The following DNAH7 variants were observed in gnomAD, a reference collection of about 807,000 sequenced individuals.
DNAH7 encodes the protein dynein axonemal heavy chain 7.
Under a neutral mutation model 444.6 loss-of-function variants are expected in DNAH7, and 397 were observed. The observed-to-expected ratio is 0.89, with a 90% CI of 0.82 to 0.97. The LOEUF (loss-of-function observed/expected upper bound fraction) is 0.97, where lower values mean the gene tolerates loss of function less well. Among genes scored for constraint, DNAH7 ranks in the 50% least tolerant of loss-of-function variants. DNAH7 has a pLI of 0.00. For missense variants in DNAH7, 4,902 were observed against 4,800.8 expected (o/e 1.02, Z -0.62); for synonymous variants, 1,636 against 1,624.4 (o/e 1.01, Z -0.17).
chr2:195,915,538 G>A (rs970781901), intron 24 of DNAH7, among the ~76,000 whole-genome samples: 6 of 152,186 alleles, frequency 3.9e-5, no homozygotes, highest in Admixed American at 1.3e-4. Flanking sequence ...GAGCCAATGA[G>A]AAGAAAAGAG....
intron 10 of DNAH7, among the ~76,000 whole-genome samples, chr2:196,006,300 T>C (rs1694370856): frequency 6.6e-6 from 1 of 152,072 alleles, no homozygotes; most frequent in Non-Finnish European, 1.5e-5. Flanking sequence ...AGCAAGGCCC[T>C]GTCTCCAAAA....
At chr2:195,745,230 C>T (rs576493880) in intron 63 of DNAH7, among the ~76,000 whole-genome samples, 1 of 151,868 alleles carries the variant, frequency 6.6e-6, no homozygotes, top group Non-Finnish European at 1.5e-5. Flanking sequence ...GGAGCCGATG[C>T]GATCAACTGG....
At chr2:196,005,721 A>G (rs1247185578) in intron 10 of DNAH7, among the ~76,000 whole-genome samples, 1 of 152,186 alleles carries the variant, frequency 6.6e-6, no homozygotes, top group Non-Finnish European at 1.5e-5. Context: ...TAATATTAAT[A>G]ATTTACAAAC....
chr2:195,857,909 T>C (rs183470142), intron 43 of DNAH7, among the ~76,000 whole-genome samples, 186 bp from the exon 44 acceptor site: 1 of 152,310 alleles, frequency 6.6e-6, no homozygotes, highest in East Asian at 1.9e-4. Context: ...CAAAATTCTC[T>C]GCACTATTTA....
chr2:195,755,072 A>G (rs1694006052), intron 62 of DNAH7, among the ~76,000 whole-genome samples: 1 of 152,232 alleles, frequency 6.6e-6, no homozygotes, highest in Non-Finnish European at 1.5e-5. Context: ...CGCTCCCTAC[A>G]ATAGTGAATA....
chr2:195,839,910 T>G (rs768144627), intron 47 of DNAH7, among the ~76,000 whole-genome samples: 5 of 151,792 alleles, frequency 3.3e-5, no homozygotes, highest in Non-Finnish European at 7.4e-5. Context: ...GCACAGATAA[T>G]TTCTTTGGTC....
chr2:195,888,982 C>T lies in DNAH7; in HGVS notation c.5047-1G>A. The T allele has an allele frequency of 6.2e-7, 1 of 1,612,054 alleles. No homozygotes were observed. The highest frequency in any genetic ancestry group is 8.5e-7 in the Non-Finnish European group (1 of 1,179,392). ...AAATTAACCATTTCCTATCTGGAGT[C>T]TGTTTCATGCATATGTGAACAGAGG... On this transcript the variant is annotated splice_acceptor_variant, in intron 31 of 64. Transcript: ENST00000312428. LOFTEE classifies it high-confidence loss of function.
At chr2:195,776,501 C>T (rs1695069684) in intron 59 of DNAH7, among the ~76,000 whole-genome samples, 1 of 151,698 alleles carries the variant, frequency 6.6e-6, no homozygotes, top group Non-Finnish European at 1.5e-5. Context: ...AGAAAATGTA[C>T]CTTTCAATTG....
At chr2:196,006,070 T>C (rs534853964) in intron 10 of DNAH7, among the ~76,000 whole-genome samples, 2 of 152,092 alleles carry the variant, frequency 1.3e-5, no homozygotes, top group Non-Finnish European at 1.5e-5. Context: ...TCCCAACACT[T>C]TGGGAGGCTG....
chr2:195,982,678 A>G (rs1332664908), intron 15 of DNAH7, among the ~76,000 whole-genome samples: 2 of 152,248 alleles, frequency 1.3e-5, no homozygotes, highest in Non-Finnish European at 2.9e-5. Flanking sequence ...TAGCAATAAC[A>G]TGGATGGAAC....
intron 44 of DNAH7, 109 bp downstream of exon 44, chr2:195,857,268 G>T: frequency 1.0e-6 from 1 of 962,942 alleles, no homozygotes; most frequent in Non-Finnish European, 1.5e-6. Context: ...ATTCAGACAG[G>T]ATTTTCCAAG....
At chr2:195,976,464 C>T (rs1223345327) in intron 15 of DNAH7, among the ~76,000 whole-genome samples, 1 of 152,046 alleles carries the variant, frequency 6.6e-6, no homozygotes, top group Non-Finnish European at 1.5e-5. Flanking sequence ...GGCTCCCAGG[C>T]AGCATCTCAG....
intron 20 of DNAH7, among the ~76,000 whole-genome samples, chr2:195,936,076 ATAAGT>A (rs1388275749): frequency 6.6e-6 from 1 of 152,142 alleles, no homozygotes; most frequent in Non-Finnish European, 1.5e-5. Flanking sequence ...GTAAGATGTG[ATAAGT>A]TAAGAAATCT....
intron 10 of DNAH7, among the ~76,000 whole-genome samples, chr2:196,012,340 C>T (rs1003827532): frequency 6.6e-6 from 1 of 152,138 alleles, no homozygotes; most frequent in African/African-American, 2.4e-5. Context: ...GGTCTGCCTT[C>T]TAGTGAGATT....
At chr2:195,933,015 T>C (rs1021909356) in intron 21 of DNAH7, among the ~76,000 whole-genome samples, 6 of 152,320 alleles carry the variant, frequency 3.9e-5, no homozygotes, top group African/African-American at 1.4e-4. Context: ...TCCTTGTACC[T>C]CTGGTAGAAT....
At chr2:195,803,219 C>T (rs1425041492) in intron 54 of DNAH7, among the ~76,000 whole-genome samples, 1 of 152,126 alleles carries the variant, frequency 6.6e-6, no homozygotes, top group Non-Finnish European at 1.5e-5. Context: ...GTTTTGCAAA[C>T]AAAATGAAAA....
intron 58 of DNAH7, among the ~76,000 whole-genome samples, chr2:195,785,321 CTCAG>C (rs755294644): frequency 8.5e-5 from 13 of 152,136 alleles, no homozygotes; most frequent in Non-Finnish European, 1.3e-4. Flanking sequence ...AACATTTTCT[CTCAG>C]TCTGTCTGTG....
At chr2:195,780,075 G>A (rs1227075511) in intron 58 of DNAH7, among the ~76,000 whole-genome samples, 1 of 152,022 alleles carries the variant, frequency 6.6e-6, no homozygotes, top group Non-Finnish European at 1.5e-5. Context: ...TTCTCACATT[G>A]CAATTTATTT....
chr2:195,794,271 C>T, intron 57 of DNAH7, 67 bp downstream of exon 57: 1 of 1,492,300 alleles, frequency 6.7e-7, no homozygotes, highest in Non-Finnish European at 9.3e-7. Flanking sequence ...TGCACACATC[C>T]ATGATCACCA....
Sources: allele counts gnomAD v4.1 joint callset (sites outside exome capture counted in the v4.1 genomes callset), GRCh38; gene constraint gnomAD v4.1.1; transcripts MANE v1.5; gene names NCBI Gene and HGNC (gene_info 2026-07-23, HGNC 2026-07-21).